The following GPC6 variants were observed in gnomAD, a reference collection of about 807,000 sequenced individuals.
GPC6 encodes the protein glypican 6.
GPC6 carries 14 observed loss-of-function variants against 55.2 expected under a neutral mutation model. The observed-to-expected ratio is 0.25, with a 90% confidence interval of 0.17 to 0.40. The LOEUF (loss-of-function observed/expected upper bound fraction) is 0.40, where lower values mean the gene tolerates loss of function less well. Among genes scored for constraint, GPC6 ranks in the 10% least tolerant of loss-of-function variants. The pLI is 1.00. For missense variants in GPC6, 641 were observed against 708.5 expected, an observed-to-expected ratio of 0.90 and a Z score of 1.08; for synonymous variants, 278 against 259.6, an observed-to-expected ratio of 1.07 and a Z score of -0.68.
At chr13:93,940,554 A>G (rs745518714) in intron 3 of GPC6, among the ~76,000 whole-genome samples, 3 of 152,136 alleles carry the variant, frequency 2.0e-5, no homozygotes, top group African/African-American at 7.2e-5. Context: ...AATAAATGGC[A>G]CAAAAAAGGA....
chr13:93,755,423 A>G, intron 2 of GPC6, among the ~76,000 whole-genome samples: 1 of 152,182 alleles, frequency 6.6e-6, no homozygotes, highest in East Asian at 1.9e-4. Context: ...AAAGAGACTA[A>G]GTAAATACAG....
chr13:93,663,391 T>G, intron 2 of GPC6, among the ~76,000 whole-genome samples: 1 of 152,218 alleles, frequency 6.6e-6, no homozygotes, highest in Non-Finnish European at 1.5e-5. Context: ...TCTCCCATAA[T>G]AAATTCCTTT....
intron 1 of GPC6, among the ~76,000 whole-genome samples, chr13:93,541,315 T>A (rs1471559406): frequency 6.9e-6 from 1 of 144,050 alleles, no homozygotes; most frequent in African/African-American, 2.6e-5. Flanking sequence ...CTGAGAATGA[T>A]GATTTCCAAT....
At chr13:94,096,660 A>G (rs1885668228) in intron 4 of GPC6, among the ~76,000 whole-genome samples, 1 of 152,222 alleles carries the variant, frequency 6.6e-6, no homozygotes, top group African/African-American at 2.4e-5. Context: ...CCAAGTCTTA[A>G]TCTTTGGTAG....
chr13:94,069,076 A>G (rs1884637038), intron 4 of GPC6, among the ~76,000 whole-genome samples: 1 of 152,068 alleles, frequency 6.6e-6, no homozygotes, highest in South Asian at 2.1e-4. Flanking sequence ...TCCATGAGGG[A>G]CCCACCCCTG....
At chr13:93,659,113 T>C (rs1253548998) in intron 2 of GPC6, among the ~76,000 whole-genome samples, 2 of 151,954 alleles carry the variant, frequency 1.3e-5, no homozygotes, top group African/African-American at 4.8e-5. Context: ...TCAAGGAGTT[T>C]GTTTATTTTG....
chr13:94,144,227 C>G (rs1342483462), intron 4 of GPC6, among the ~76,000 whole-genome samples: 1 of 152,048 alleles, frequency 6.6e-6, no homozygotes, highest in Non-Finnish European at 1.5e-5. Flanking sequence ...TCTGTAACAT[C>G]AGGGTTGAAA....
intron 3 of GPC6, among the ~76,000 whole-genome samples, chr13:93,948,200 A>G (rs1879098927): frequency 6.6e-6 from 1 of 152,174 alleles, no homozygotes; most frequent in Non-Finnish European, 1.5e-5. Flanking sequence ...TTAACTGTCA[A>G]CTGTGTATTA....
At chr13:94,244,271 T>G (rs1289881819) in intron 4 of GPC6, among the ~76,000 whole-genome samples, 1 of 152,136 alleles carries the variant, frequency 6.6e-6, no homozygotes, top group East Asian at 1.9e-4. Flanking sequence ...TCCGCAAAGC[T>G]TAATTATGTC....
intron 2 of GPC6, among the ~76,000 whole-genome samples, chr13:93,656,487 A>G (rs573540172): frequency 6.6e-6 from 1 of 152,216 alleles, no homozygotes; most frequent in East Asian, 1.9e-4. Context: ...AGATAATGTT[A>G]TATTTCTACA....
rs151312485 is a variant in GPC6, at chr13:94,253,678, G to A, written c.878-32671G>A. 6.6e-5 allele frequency among the ~76,000 whole-genome samples: 10 copies of A among 152,096 alleles called. No homozygotes were observed. In the East Asian group the frequency reaches 1.9e-3, roughly 29 times the overall value. Reference sequence around the variant, plus strand: ...TTTCTTATGTATCTGGAGAGTCATGGTAGTCTTACTACATCTGGTTAGTCA... The same window carrying A: ...TTTCTTATGTATCTGGAGAGTCATGATAGTCTTACTACATCTGGTTAGTCA... On this transcript the variant is annotated intron_variant, in intron 4 of 8. Coordinates refer to ENST00000377047, the MANE Select transcript of GPC6 (RefSeq NM_005708.5).
chr13:93,435,638 G>A (rs1291368072), intron 1 of GPC6, among the ~76,000 whole-genome samples: 3 of 152,136 alleles, frequency 2.0e-5, no homozygotes, highest in African/African-American at 7.2e-5. Flanking sequence ...AGCTTGCAGA[G>A]ATCCTTGATA....
intron 4 of GPC6, among the ~76,000 whole-genome samples, chr13:94,236,486 G>A (rs1459180784): frequency 6.6e-6 from 1 of 152,132 alleles, no homozygotes; most frequent in African/African-American, 2.4e-5. Context: ...GACAGTGCCT[G>A]TTTTCAGAAC....
At chr13:93,274,103 A>AT (rs571761515) in intron 1 of GPC6, among the ~76,000 whole-genome samples, 191 of 152,266 alleles carry the variant, frequency 1.3e-3, no homozygotes, top group African/African-American at 4.5e-3. Context: ...TGATTGCCTC[A>AT]TTTTTTAAGG....
chr13:93,563,829 A>G (rs1875949167), intron 2 of GPC6, among the ~76,000 whole-genome samples: 1 of 151,972 alleles, frequency 6.6e-6, no homozygotes, highest in African/African-American at 2.4e-5. Flanking sequence ...AAATTATAAA[A>G]ACTCTGTAGC....
intron 3 of GPC6, among the ~76,000 whole-genome samples, chr13:93,915,634 C>G (rs181466237): frequency 8.5e-5 from 13 of 152,254 alleles, no homozygotes; most frequent in Non-Finnish European, 1.5e-4. Context: ...TCTGAGCAAC[C>G]AGCTGGATCT....
At chr13:93,416,325 A>C (rs1181849110) in intron 1 of GPC6, among the ~76,000 whole-genome samples, 1 of 152,132 alleles carries the variant, frequency 6.6e-6, no homozygotes, top group Non-Finnish European at 1.5e-5. Context: ...GTAGAGCTTT[A>C]CTTTGTAAAC....
chr13:93,612,371 T>C (rs1329181959), intron 2 of GPC6, among the ~76,000 whole-genome samples: 1 of 152,072 alleles, frequency 6.6e-6, no homozygotes, highest in African/African-American at 2.4e-5. Flanking sequence ...TGGTGGCACG[T>C]ACCTGTTGTC....
At chr13:94,285,728 A>G (rs1892510758) in intron 4 of GPC6, among the ~76,000 whole-genome samples, 1 of 152,178 alleles carries the variant, frequency 6.6e-6, no homozygotes, top group African/African-American at 2.4e-5. Flanking sequence ...AATTTCGTCA[A>G]CTTTTTTGAG....
Sources: gnomAD v4.1 joint callset for allele counts (sites outside exome capture counted in the v4.1 genomes callset) on GRCh38, gnomAD v4.1.1 for gene constraint, MANE v1.5 for transcripts, NCBI Gene and HGNC (gene_info 2026-07-23, HGNC 2026-07-21) for gene names.